FBXO42: variants seen among roughly 807,000 people sequenced by gnomAD.
The protein encoded by FBXO42 is F-box only protein 42.
FBXO42 carries 12 observed loss-of-function variants against 71.7 expected under a neutral mutation model. The observed-to-expected ratio is 0.17, with a 90% confidence interval of 0.11 to 0.27. The LOEUF (loss-of-function observed/expected upper bound fraction) is 0.27, where lower values mean the gene tolerates loss of function less well. Among genes scored for constraint, FBXO42 ranks in the 10% least tolerant of loss-of-function variants. FBXO42 has a pLI of 1.00. For missense variants in FBXO42, 707 were observed against 911.9 expected, an observed-to-expected ratio of 0.78 and a Z score of 2.89; for synonymous variants, 325 against 327.5, an observed-to-expected ratio of 0.99 and a Z score of 0.08.
intron 4 of FBXO42, among the ~76,000 whole-genome samples, chr1:16,267,660 A>G (rs901026510): frequency 6.6e-6 from 1 of 151,984 alleles, no homozygotes; most frequent in African/African-American, 2.4e-5. Context: ...TTTTCTTCCT[A>G]TTTTACTCCT....
intron 3 of FBXO42, among the ~76,000 whole-genome samples, chr1:16,304,669 T>C (rs1268141367): frequency 6.6e-6 from 1 of 151,794 alleles, no homozygotes; most frequent in Non-Finnish European, 1.5e-5. Context: ...TAGAGAAAAA[T>C]CCAATGAAAA....
At chr1:16,256,542 A>AG (rs398049138) in intron 5 of FBXO42, 64 bp downstream of exon 5, 3 of 1,554,614 alleles carry the variant, frequency 1.9e-6, no homozygotes, top group African/African-American at 1.4e-5. Flanking sequence ...ACACAAAAAA[A>AG]CAAAGAATCC....
intron 1 of FBXO42, among the ~76,000 whole-genome samples, chr1:16,332,352 A>G (rs1005482740): frequency 6.6e-6 from 1 of 152,170 alleles, no homozygotes; most frequent in Non-Finnish European, 1.5e-5. Context: ...CTATAGTTGA[A>G]TGAAGGAAGA....
chr1:16,349,838 CAA>C (rs1251568040), intron 1 of FBXO42, among the ~76,000 whole-genome samples: 12 of 152,308 alleles, frequency 7.9e-5, no homozygotes, highest in East Asian at 7.7e-4. Flanking sequence ...GCCTGGGAAA[CAA>C]GAGCAAAACT....
chr1:16,304,738 G>A (rs1032083747), intron 3 of FBXO42, among the ~76,000 whole-genome samples: 2 of 152,118 alleles, frequency 1.3e-5, no homozygotes, highest in African/African-American at 4.8e-5. Flanking sequence ...GGAGGCCGAG[G>A]TGGGTGGATC....
At chr1:16,263,537 C>G (rs1325335373) in intron 4 of FBXO42, among the ~76,000 whole-genome samples, 1 of 151,834 alleles carries the variant, frequency 6.6e-6, no homozygotes, top group East Asian at 2.0e-4. Context: ...GCCTGACCAA[C>G]ATGGTGAAGC....
chr1:16,273,734 C>T (rs1367245244), intron 4 of FBXO42, among the ~76,000 whole-genome samples: 2 of 151,894 alleles, frequency 1.3e-5, no homozygotes, highest in African/African-American at 4.8e-5. Flanking sequence ...CAAAAATTAA[C>T]CGGGTGTGGT....
chr1:16,312,205 T>A (rs7529491), intron 2 of FBXO42, among the ~76,000 whole-genome samples: 9 of 151,940 alleles, frequency 5.9e-5, no homozygotes, highest in Admixed American at 4.6e-4. Flanking sequence ...AACATTTTTT[T>A]AAAAAAATTA....
rs1401327134 is a variant in FBXO42, at chr1:16,250,030, A to G, written c.*640T>C. The G allele has an allele frequency of 6.6e-6, 1 of 152,374 alleles. No individual in the cohort carries two copies. The highest frequency in any genetic ancestry group is 2.4e-5 in the African/African-American group (1 of 41,588). 9.4% of individuals were successfully genotyped at this position (152,374 alleles called of 1,614,324 possible). ...CTAGGCGGTCAGATGTTGGCTGCAT[A>G]AACATTATTTCACAATGACCCGGCA... On this transcript the variant is annotated 3_prime_UTR_variant, in exon 10 of 10. Coordinates refer to ENST00000375592, the MANE Select transcript of FBXO42 (RefSeq NM_018994.3). The surrounding 1 kb of genome is among the most constrained non-coding windows in gnomAD (Gnocchi z 4.7).
intron 1 of FBXO42, among the ~76,000 whole-genome samples, chr1:16,317,500 G>A (rs1161310545): frequency 6.6e-6 from 1 of 152,000 alleles, no homozygotes; most frequent in East Asian, 1.9e-4. Flanking sequence ...GGAGGATGAG[G>A]CAGGAGAATC....
chr1:16,279,227 T>C (rs1029188374), intron 4 of FBXO42, among the ~76,000 whole-genome samples: 1 of 152,208 alleles, frequency 6.6e-6, no homozygotes, highest in Admixed American at 6.5e-5. Flanking sequence ...GCAAGATTAC[T>C]CAGTGATTTT....
chr1:16,257,252 C>T (rs2081656677), intron 4 of FBXO42, among the ~76,000 whole-genome samples: 2 of 152,096 alleles, frequency 1.3e-5, no homozygotes, highest in Non-Finnish European at 2.9e-5. Context: ...TAACTCGTTA[C>T]AAAACACAGG....
rs911015449 is a variant in FBXO42 at position 16,250,328 on chromosome 1, C to A, written c.*342G>T. The A allele has an allele frequency of 5.2e-5, 8 of 152,712 alleles. No individual in the cohort carries two copies. Among genetic ancestry groups the A allele is most frequent in the African/African-American group, 1.9e-4 (8 of 41,414 alleles). 9.5% of individuals were successfully genotyped at this position (152,712 alleles called of 1,614,324 possible). On this transcript the variant is annotated 3_prime_UTR_variant, in exon 10 of 10. Coordinates refer to ENST00000375592, the MANE Select transcript of FBXO42 (RefSeq NM_018994.3). This position sits in a 1 kb window ranked among gnomAD's most constrained non-coding sequence, Gnocchi z 4.7. ...CTCTTCAGTTTCTTTTGGGAAGTTACTGATGTTAGTCTATTCTCTAACTTC... is the reference window on the plus strand; with the variant it reads ...CTCTTCAGTTTCTTTTGGGAAGTTAATGATGTTAGTCTATTCTCTAACTTC...
intron 1 of FBXO42, among the ~76,000 whole-genome samples, chr1:16,343,712 A>G (rs2082628228): frequency 6.6e-6 from 1 of 151,978 alleles, no homozygotes; most frequent in South Asian, 2.1e-4. Flanking sequence ...AATCCCAGCT[A>G]CTTGGGAGGC....
intron 4 of FBXO42, among the ~76,000 whole-genome samples, chr1:16,280,375 G>A (rs201866845): frequency 6.6e-6 from 1 of 152,126 alleles, no homozygotes; most frequent in South Asian, 2.1e-4. Flanking sequence ...AAGCCTAAAT[G>A]TAATGTATCA....
In FBXO42 at chr1:16,293,708, T is replaced by C. The variant is rs994748905; in HGVS notation, c.502+1075A>G. ...AAGTTTTAGGGAAGCAAAATGCAGC[T>C]TCTTCTCATAAACAGGTTTAAGTCC... is the stretch of plus-strand genomic sequence containing the variant. On this transcript the variant is annotated intron_variant, in intron 4 of 9. Coordinates refer to ENST00000375592, the MANE Select transcript of FBXO42 (RefSeq NM_018994.3). 14 of 152,340 alleles carry C rather than the reference T, an allele frequency of 9.2e-5. No homozygotes were observed. The East Asian group carries it at 2.1e-3, about 23-fold the overall frequency. The allele number at this position is 152,340 out of a possible 1,614,324, so 9.4% of individuals were successfully genotyped here.
At chr1:16,286,709 C>T (rs1029565630) in intron 4 of FBXO42, among the ~76,000 whole-genome samples, 1 of 152,156 alleles carries the variant, frequency 6.6e-6, no homozygotes, top group East Asian at 1.9e-4. Flanking sequence ...ATAAGCGTCT[C>T]AAACTCAATA....
chr1:16,278,412 T>C (rs1332024125), intron 4 of FBXO42, among the ~76,000 whole-genome samples: 2 of 152,124 alleles, frequency 1.3e-5, no homozygotes, highest in Non-Finnish European at 2.9e-5. Flanking sequence ...GTTTCAATGT[T>C]AGCACCGACG....
intron 1 of FBXO42, among the ~76,000 whole-genome samples, chr1:16,318,632 G>C (rs770926057): frequency 3.3e-5 from 5 of 152,116 alleles, no homozygotes; most frequent in African/African-American, 4.8e-5. Flanking sequence ...AAGGAAATAG[G>C]GTGTTTTATG....
Sources: allele counts gnomAD v4.1 joint callset (sites outside exome capture counted in the v4.1 genomes callset), GRCh38; gene constraint gnomAD v4.1.1; non-coding constraint Gnocchi (gnomAD v3.1); transcripts MANE v1.5; gene names NCBI Gene and HGNC (gene_info 2026-07-23, HGNC 2026-07-21).